The following PCLO variants were observed in gnomAD, a reference collection of about 807,000 sequenced individuals.
The protein encoded by PCLO is piccolo presynaptic cytomatrix protein.
PCLO carries 82 observed loss-of-function variants against 427.5 expected under a neutral mutation model. The ratio of observed to expected loss-of-function variants is 0.19; its 90% CI spans 0.16 to 0.23. PCLO has a LOEUF of 0.23. Ranked by LOEUF, PCLO falls within the 10% of genes least tolerant of loss-of-function variation. PCLO has a pLI of 1.00. For missense variants in PCLO, 6,239 were observed against 6,115.9 expected, an observed-to-expected ratio of 1.02 and a Z score of -0.67; for synonymous variants, 2,357 against 2,155.4, an observed-to-expected ratio of 1.09 and a Z score of -2.59.
rs554910165 is a variant in PCLO at position 82,818,520 on chromosome 7, C to T, written c.14791+3975G>A. Among the ~76,000 whole-genome samples the T allele has an allele frequency of 2.2e-4, 33 of 152,152 alleles. 1 individual carries two copies. The highest frequency in any genetic ancestry group is 5.2e-4 in the Admixed American group (8 of 15,260). On this transcript the variant is annotated intron_variant, in intron 20 of 24. Coordinates refer to ENST00000333891, the MANE Select transcript of PCLO (RefSeq NM_033026.6). ...TAGGCAGAGAGTATAAATGGAATTC[C>T]GCCATCATTTCCAGCTACCTCTAAT...
chr7:82,796,630 C>T (rs180683224), intron 22 of PCLO, among the ~76,000 whole-genome samples: 11 of 151,832 alleles, frequency 7.2e-5, no homozygotes, highest in Admixed American at 2.0e-4. Context: ...AATTTTCCCT[C>T]TGGCTTATAT....
In PCLO at chr7:82,916,264, G is replaced by C. The variant is rs747802732; in HGVS notation, c.11722C>G (p.His3908Asp). The change falls in exon 7 of 25, where the codon CAT becomes GAT. Residue 3908 changes from histidine (H) to aspartate (D), a missense_variant. By Grantham distance (81) the His-to-Asp change is moderately conservative. Transcript: ENST00000333891. Reference protein sequence around the residue: ...QAPTSYTQQSHFEQQTLYHQQ... With the variant: ...QAPTSYTQQSDFEQQTLYHQQ... ...TGGTACAAAGTTTGTTGCTCAAAAT[G>C]AGACTGTTGAGTGTATGAGGTGGGT... 5.6e-6 allele frequency: 9 copies of C among 1,613,682 alleles called. No homozygotes were observed. The South Asian group carries it at 8.8e-5, about 16-fold the overall frequency.
At chr7:83,023,111 C>T (rs1788386768) in intron 3 of PCLO, among the ~76,000 whole-genome samples, 3 of 152,020 alleles carry the variant, frequency 2.0e-5, no homozygotes, top group African/African-American at 7.2e-5. Context: ...GCTATTTTGA[C>T]CTGCAAAATT....
chr7:82,909,957 TTAGTATCTC>T (rs1794283106), intron 7 of PCLO, among the ~76,000 whole-genome samples: 8 of 152,104 alleles, frequency 5.3e-5, no homozygotes, highest in Non-Finnish European at 1.2e-4. Context: ...ATTTCATTCA[TTAGTATCTC>T]ATAGGTCTTT....
chr7:83,144,179 T>G (rs1003689986), intron 2 of PCLO, among the ~76,000 whole-genome samples: 1 of 152,184 alleles, frequency 6.6e-6, no homozygotes, highest in Admixed American at 6.5e-5. Flanking sequence ...CTGCACACTT[T>G]GGGAGGCTAA....
At chr7:83,059,303 ATATAT>A (rs1477977000) in intron 3 of PCLO, among the ~76,000 whole-genome samples, 30 of 143,590 alleles carry the variant, frequency 2.1e-4, no homozygotes, top group African/African-American at 6.6e-4. Flanking sequence ...AAATATATAT[ATATAT>A]TATATTTATA....
chr7:82,985,075 T>G (rs750452563), intron 3 of PCLO, among the ~76,000 whole-genome samples: 1 of 151,964 alleles, frequency 6.6e-6, no homozygotes, highest in Non-Finnish European at 1.5e-5. Flanking sequence ...TTAGCCAAAC[T>G]AATGTTGGTA....
rs1790368272 is a variant in PCLO, at chr7:82,758,667, C to T, written c.15337G>A (p.Gly5113Ser). The change falls in exon 25 of 25, where the codon GGT becomes AGT. Residue 5113 changes from glycine (G) to serine (S), a missense_variant. Physicochemically the swap from Gly to Ser is moderately conservative, Grantham distance 56. Around this residue, in one of 5 missense-constraint regions of PCLO, gnomAD observed 877 missense variants for 925.5 expected, o/e 0.95. Coordinates refer to ENST00000333891, the MANE Select transcript of PCLO (RefSeq NM_033026.6). ...TTGTCAAGCCAGATACAGGCTTCAC[C>T]AATCAAGGTCTTTTTCATAAACTTC... Reference protein sequence around the residue: ...GGKFMKKTLIGEACIWLDKVD... With the variant: ...GGKFMKKTLISEACIWLDKVD... The T allele has an allele frequency of 6.2e-7, 1 of 1,608,128 alleles. No homozygotes were observed.
In PCLO at chr7:82,794,459, C is replaced by CTGTTTTTTTTTTTTTTTTTTTTTTTTTTT. The variant is rs1554333552; in HGVS notation, c.15007+7058_15007+7059insAAAAAAAAAAAAAAAAAAAAAAAAAAACA. On this transcript the variant is annotated intron_variant, in intron 22 of 24. Coordinates refer to ENST00000333891, the MANE Select transcript of PCLO (RefSeq NM_033026.6). The stretch of plus-strand genomic sequence containing the variant: ...ACATGCTAGTTCATAAATTTTTTTT[C>CTGTTTTTTTTTTTTTTTTTTTTTTTTTTT]TTTTTTTTTTTTTTTTTTTTTTTTT... Among the ~76,000 whole-genome samples the CTGTTTTTTTTTTTTTTTTTTTTTTTTTTT allele has an allele frequency of 3.5e-4, 20 of 56,370 alleles. 3 individuals carry two copies. The highest frequency in any genetic ancestry group is 1.4e-3 in the South Asian group (1 of 710). 37.0% of individuals were successfully genotyped at this position (56,370 alleles called of 152,430 possible).
chr7:82,892,243 A>G (rs908134886), intron 9 of PCLO, among the ~76,000 whole-genome samples: 29 of 152,172 alleles, frequency 1.9e-4, no homozygotes, highest in Non-Finnish European at 2.9e-5. Flanking sequence ...AGATCAATGT[A>G]ACAGGACAGA....
chr7:83,120,021 C>G (rs190463488), intron 3 of PCLO, among the ~76,000 whole-genome samples: 145 of 151,778 alleles, frequency 9.6e-4, no homozygotes, highest in African/African-American at 3.3e-3. Flanking sequence ...ATAAAGCATG[C>G]CTACAAGATC....
chr7:83,014,204 C>A (rs1209097791), intron 3 of PCLO, among the ~76,000 whole-genome samples: 3 of 152,066 alleles, frequency 2.0e-5, no homozygotes, highest in Admixed American at 2.0e-4. Context: ...CAAAACAAGT[C>A]AGTAAATGAA....
intron 13 of PCLO, among the ~76,000 whole-genome samples, chr7:82,843,665 A>ATTT (rs71522631): frequency 2.2e-5 from 3 of 135,802 alleles, no homozygotes; most frequent in East Asian, 2.2e-4. Context: ...CAACGTATTC[A>ATTT]TTTTTTTTTT....
rs769569026 is a variant in PCLO at position 82,951,358 on chromosome 7, C to T, written c.9230G>A (p.Cys3077Tyr). Residue 3077 changes from cysteine to tyrosine, a missense_variant, in exon 6 of 25, where the codon TGT becomes TAT. Around this residue, in one of 5 missense-constraint regions of PCLO, gnomAD observed 4,677 missense variants for 4,468.4 expected, o/e 1.05. Coordinates refer to ENST00000333891, the MANE Select transcript of PCLO (RefSeq NM_033026.6). Reference sequence around the variant, plus strand: ...AGATGACCTCAAAACACTCCCCACACAATACTGGGGTCCTGGTGGTGGTGT... The same window carrying T: ...AGATGACCTCAAAACACTCCCCACATAATACTGGGGTCCTGGTGGTGGTGT... Reference protein sequence around the residue: ...RMTPPPGPQYCVGSVLRSSNG... With the variant: ...RMTPPPGPQYYVGSVLRSSNG... 3 of 1,607,270 alleles carry T rather than the reference C, an allele frequency of 1.9e-6. No individual in the cohort carries two copies. The highest frequency in any genetic ancestry group is 2.2e-5 in the East Asian group (1 of 44,662).
At position 82,950,569 on chromosome 7, in the gene PCLO, T is replaced by C. The variant is rs573598230; in HGVS notation, c.10019A>G (p.Gln3340Arg). 1.2e-6 allele frequency: 2 copies of C among 1,613,886 alleles called. No individual in the cohort carries two copies. Among genetic ancestry groups the C allele is most frequent in the East Asian group, 4.5e-5 (2 of 44,832 alleles). The change falls in exon 6 of 25, where the codon CAG becomes CGG. Residue 3340 changes from glutamine to arginine, a missense_variant. Gln to Arg is a conservative substitution (Grantham distance 43, BLOSUM62 1). Around this residue, in one of 5 missense-constraint regions of PCLO, gnomAD observed 4,677 missense variants for 4,468.4 expected, o/e 1.05. Coordinates refer to ENST00000333891, the MANE Select transcript of PCLO (RefSeq NM_033026.6). ...TTTEQAILEG[Q>R]YAALEGSQFW... ...TTGACTGCCTTCCAGAGCAGCATAC[T>C]GACCTTCCAAAATTGCCTGCTCTGT... is the stretch of plus-strand genomic sequence containing the variant.
chr7:82,894,670 G>C (rs911817643), intron 9 of PCLO, among the ~76,000 whole-genome samples: 4 of 152,004 alleles, frequency 2.6e-5, no homozygotes. Flanking sequence ...TGGGAATCTT[G>C]GTCGTACTTG....
chr7:83,011,245 T>C (rs1401805538), intron 3 of PCLO, among the ~76,000 whole-genome samples: 1 of 152,090 alleles, frequency 6.6e-6, no homozygotes, highest in Non-Finnish European at 1.5e-5. Flanking sequence ...CTTTAACTTA[T>C]AAAAATTAAC....
At chr7:82,936,013 C>T (rs77882703) in intron 6 of PCLO, among the ~76,000 whole-genome samples, 2,603 of 151,752 alleles carry the variant, frequency 0.017, 80 homozygotes, top group African/African-American at 0.059. Context: ...AGCTTGGATA[C>T]AACATCTAAA....
intron 3 of PCLO, among the ~76,000 whole-genome samples, chr7:82,986,272 T>C (rs1430963005): frequency 6.6e-6 from 1 of 152,006 alleles, no homozygotes; most frequent in East Asian, 1.9e-4. Flanking sequence ...TTTTTGCAGA[T>C]GGCCTCATTC....
Sources: gnomAD v4.1 joint callset for allele counts (sites outside exome capture counted in the v4.1 genomes callset) on GRCh38, gnomAD v4.1.1 for gene constraint, gnomAD v4.1.1 regional missense constraint, MANE v1.5 for transcripts, NCBI Gene and HGNC (gene_info 2026-07-23, HGNC 2026-07-21) for gene names.